The following SASH1 variants were observed in gnomAD, a reference collection of about 807,000 sequenced individuals.
SASH1 encodes the protein SAM and SH3 domain containing 1, also known as SAM and SH3 domain-containing protein 1.
SASH1 carries 44 observed loss-of-function variants against 125.2 expected under a neutral mutation model. The ratio of observed to expected loss-of-function variants is 0.35; its 90% CI spans 0.28 to 0.45. The LOEUF is 0.45. Ranked by LOEUF, SASH1 falls within the 20% of genes least tolerant of loss-of-function variation. The pLI, the probability that SASH1 is intolerant of heterozygous loss-of-function variation, is 1.00. For missense variants in SASH1, 1,426 were observed against 1,614.5 expected (o/e 0.88, Z 2.00); for synonymous variants, 639 against 649.1 (o/e 0.98, Z 0.24).
At chr6:148,255,097 C>T in the SASH1 span, among the ~76,000 whole-genome samples, 16 of 152,098 alleles carry the variant, frequency 1.1e-4, no homozygotes, top group Non-Finnish European at 1.6e-4. Context: ...AAGTGAAAGA[C>T]GCCAGACACA....
chr6:148,516,614 G>A (rs1237807922), intron 9 of SASH1, among the ~76,000 whole-genome samples: 2 of 151,326 alleles, frequency 1.3e-5, no homozygotes, highest in African/African-American at 4.9e-5. Flanking sequence ...AGGGCACACC[G>A]TGTGCCAGGC....
upstream of SASH1, among the ~76,000 whole-genome samples, chr6:148,340,434 G>C (rs1039601360): frequency 6.6e-6 from 1 of 150,870 alleles, no homozygotes; most frequent in African/African-American, 2.4e-5. Flanking sequence ...AGTGAACCAA[G>C]ATGGTGCCAC....
rs1562498247 is a variant in SASH1, at chr6:148,540,494, G to A, written c.2147G>A (p.Gly716Asp). ...SQEKLLVDSQ[G>D]LSGCSPRDSG... The stretch of plus-strand genomic sequence containing the variant: ...GAGAAGCTGCTCGTTGACAGCCAGG[G>A]CCTGAGTGGATGCTCACCCCGAGAC... Residue 716 changes from glycine (G) to aspartate (D), a missense_variant, in exon 17 of 20, where the codon GGC (glycine) becomes GAC (aspartate). Gly to Asp is a moderately conservative substitution (Grantham distance 94). Transcript: ENST00000367467. 19 of 1,613,930 alleles carry A rather than the reference G, an allele frequency of 1.2e-5. No homozygotes were observed. Among genetic ancestry groups the A allele is most frequent in the Admixed American group, 1.7e-5 (1 of 59,998 alleles).
intron 1 of SASH1, among the ~76,000 whole-genome samples, chr6:148,277,203 C>T (rs1409849192): frequency 6.6e-6 from 1 of 152,192 alleles, no homozygotes; most frequent in African/African-American, 2.4e-5. Flanking sequence ...CAGAAATGCA[C>T]CTGCAGCTGA....
intron 1 of SASH1, among the ~76,000 whole-genome samples, chr6:148,277,957 C>T (rs949655343): frequency 7.2e-5 from 11 of 151,802 alleles, no homozygotes; most frequent in African/African-American, 2.4e-4. Context: ...CCTCGTGATT[C>T]GCCTGCCTCA....
chr6:148,307,808 T>C (rs912317590), intron 1 of SASH1, among the ~76,000 whole-genome samples: 1 of 152,198 alleles, frequency 6.6e-6, no homozygotes, highest in Non-Finnish European at 1.5e-5. Context: ...TTTTGCTTAA[T>C]TGGTCACTTG....
chr6:148,203,184 A>G, the SASH1 span, among the ~76,000 whole-genome samples: 1 of 152,220 alleles, frequency 6.6e-6, no homozygotes, highest in Non-Finnish European at 1.5e-5. Flanking sequence ...TGATGTGTCT[A>G]AATGGCCTGA....
At chr6:148,444,907 A>G (rs1329635812) in intron 4 of SASH1, among the ~76,000 whole-genome samples, 1 of 152,202 alleles carries the variant, frequency 6.6e-6, no homozygotes, top group Admixed American at 6.5e-5. Context: ...ATTATATGCT[A>G]AACAAGGGGT....
rs777821830 is a variant in SASH1 at position 148,519,925 on chromosome 6, A to G, written c.1209+32A>G. The G allele has an allele frequency of 1.2e-5, 17 of 1,460,526 alleles. No individual in the cohort carries two copies. The highest frequency in any genetic ancestry group is 2.8e-5 in the African/African-American group (2 of 70,818). 90.5% of individuals were successfully genotyped at this position (1,460,526 alleles called of 1,614,324 possible). On this transcript the variant is annotated intron_variant, in intron 10 of 19. Coordinates refer to ENST00000367467, the MANE Select transcript of SASH1 (RefSeq NM_015278.5). The surrounding 1 kb of genome is among the most constrained non-coding windows in gnomAD (Gnocchi z 4.8). ...ACGGATGGTGTTTGCTTCTATGACA[A>G]CCACCGTCGCAGGCACCACCTTCTG... is the stretch of plus-strand genomic sequence containing the variant.
chr6:148,296,381 C>T (rs1229655942), intron 1 of SASH1, among the ~76,000 whole-genome samples: 1 of 152,208 alleles, frequency 6.6e-6, no homozygotes, highest in African/African-American at 2.4e-5. Flanking sequence ...CTGCCTCGAC[C>T]TCCCAAAGTG....
At chr6:148,248,962 G>T in the SASH1 span, among the ~76,000 whole-genome samples, 1 of 152,068 alleles carries the variant, frequency 6.6e-6, no homozygotes, top group Non-Finnish European at 1.5e-5. Context: ...CTCCAATTAG[G>T]ATTCAATATT....
chr6:148,333,721 C>T (rs541908029), intron 1 of SASH1, among the ~76,000 whole-genome samples: 29 of 152,170 alleles, frequency 1.9e-4, no homozygotes, highest in African/African-American at 6.0e-4. Context: ...GCCACCACAC[C>T]TGACTAATTT....
At chr6:148,410,942 C>A (rs1053876129) in intron 2 of SASH1, among the ~76,000 whole-genome samples, 77 of 152,032 alleles carry the variant, frequency 5.1e-4, no homozygotes, top group African/African-American at 1.8e-3. Context: ...GGTGGATCAC[C>A]TGAAGTTAGG....
rs373963512 is a variant in SASH1 at position 148,543,864 on chromosome 6, C to T, written c.2394C>T (p.Ser798=). 1.2e-6 allele frequency: 2 copies of T among 1,614,092 alleles called. No individual in the cohort carries two copies. Among genetic ancestry groups the T allele is most frequent in the Admixed American group, 1.7e-5 (1 of 60,008 alleles). The change falls in exon 18 of 20, where the codon AGC becomes AGT. Residue 798 remains serine (S), a synonymous_variant. Coordinates refer to ENST00000367467, the MANE Select transcript of SASH1 (RefSeq NM_015278.5). ...GGGLAPDTSK[S]CDPPGVTGLN... is the part of the protein sequence containing the mutation. ...GCCTTGCCCCAGACACGTCCAAGAG[C>T]TGTGACCCACCTGGTGTGACTGGTT...
chr6:148,497,194 T>C (rs1053565881), intron 8 of SASH1, among the ~76,000 whole-genome samples: 1 of 152,220 alleles, frequency 6.6e-6, no homozygotes, highest in African/African-American at 2.4e-5. Context: ...TGGAAAAATA[T>C]ACATAGTGAG....
chr6:148,376,978 G>A (rs1440374367), intron 1 of SASH1, among the ~76,000 whole-genome samples: 6 of 151,050 alleles, frequency 4.0e-5, no homozygotes, highest in Non-Finnish European at 5.9e-5. Context: ...AGACCATCCC[G>A]GCTAAAACGG....
intron 7 of SASH1, among the ~76,000 whole-genome samples, chr6:148,482,585 G>A (rs181820377): frequency 2.9e-4 from 44 of 151,438 alleles, no homozygotes; most frequent in African/African-American, 9.5e-4. Context: ...GCAGTGGCGT[G>A]ATAATGGTTC....
chr6:148,396,476 C>G (rs62432281), intron 2 of SASH1, among the ~76,000 whole-genome samples: 1 of 46,992 alleles, frequency 2.1e-5, no homozygotes, highest in Non-Finnish European at 3.5e-5. Context: ...GACTGCATCT[C>G]AGAAAAAAAA....
At chr6:148,431,896 G>T (rs1446957766) in intron 2 of SASH1, among the ~76,000 whole-genome samples, 3 of 151,838 alleles carry the variant, frequency 2.0e-5, no homozygotes, top group Non-Finnish European at 2.9e-5. Flanking sequence ...TAACCTACTT[G>T]AATCTGATCA....
Sources: allele counts gnomAD v4.1 joint callset (sites outside exome capture counted in the v4.1 genomes callset), GRCh38; gene constraint gnomAD v4.1.1; non-coding constraint Gnocchi (gnomAD v3.1); transcripts MANE v1.5; gene names NCBI Gene and HGNC (gene_info 2026-07-23, HGNC 2026-07-21).